Variants in BSG observed in about 807,000 individuals in gnomAD.
BSG encodes the protein basigin.
A neutral mutation model predicts 43.1 loss-of-function variants in BSG; 37 were observed. That is an observed-to-expected ratio of 0.86 (90% CI 0.66 to 1.13). BSG has a LOEUF of 1.13. Among genes scored for constraint, BSG ranks in the 50% most tolerant of loss-of-function variants. The pLI is 0.00. For missense variants in BSG, 599 were observed against 554.2 expected, an observed-to-expected ratio of 1.08 and a Z score of -0.81; for synonymous variants, 309 against 238.7, an observed-to-expected ratio of 1.29 and a Z score of -2.72.
At chr19:580,949 G>A (rs556900373) in intron 5 of BSG, among the ~76,000 whole-genome samples, 167 bp downstream of exon 5, 5 of 135,650 alleles carry the variant, frequency 3.7e-5, no homozygotes, top group South Asian at 2.6e-4. Flanking sequence ...TGGGGGTCCC[G>A]GACCCAGCCC....
At chr19:577,709 C>T in intron 1 of BSG, 65 bp from the exon 2 acceptor site, 2 of 1,292,872 alleles carry the variant, frequency 1.5e-6, no homozygotes, top group Non-Finnish European at 2.0e-6. Flanking sequence ...GCGAGGCCTT[C>T]CCCAGGAGCT....
chr19:573,593 A>C (rs1380930331), intron 1 of BSG, among the ~76,000 whole-genome samples: 2 of 152,076 alleles, frequency 1.3e-5, no homozygotes, highest in Non-Finnish European at 2.9e-5. Flanking sequence ...GGGAAGGCGG[A>C]ATCTCCCTCT....
At chr19:580,539 C>T in intron 4 of BSG, 78 bp downstream of exon 4, 1 of 1,604,430 alleles carries the variant, frequency 6.2e-7, no homozygotes, top group Non-Finnish European at 8.5e-7. Context: ...CGGCACATCC[C>T]AGAGCCCTGG....
chr19:581,830 C>G (rs1411513910), intron 6 of BSG, among the ~76,000 whole-genome samples: 2 of 152,270 alleles, frequency 1.3e-5, no homozygotes. Context: ...CACAGCCTCA[C>G]CCGGCCCTTC....
Position 582,757 on chromosome 19 carries a change from G to A in BSG, c.*13G>A, listed in dbSNP as rs910720448. The A allele has an allele frequency of 2.7e-5, 18 of 674,782 alleles. No individual in the cohort carries two copies. Among genetic ancestry groups the A allele is most frequent in the Middle Eastern group, 2.9e-4 (1 of 3,456 alleles). The allele number at this position is 674,782 out of a possible 1,614,324, so 41.8% of individuals were successfully genotyped here. A position where few individuals can be genotyped will look rare whatever the true frequency, so the allele number is the denominator to read the frequency against. ...GCCCCTCCCTGTCCACAGGTGGCCCGAGGACGCTCCCTGCTCCACGTCTGC... is the reference window on the plus strand; with the variant it reads ...GCCCCTCCCTGTCCACAGGTGGCCCAAGGACGCTCCCTGCTCCACGTCTGC... On this transcript the variant is annotated 3_prime_UTR_variant, in exon 9 of 9. Transcript: ENST00000333511.
chr19:579,825 G>C (rs979310173), intron 3 of BSG, 169 bp downstream of exon 3: 1 of 1,077,680 alleles, frequency 9.3e-7, no homozygotes, highest in Admixed American at 3.1e-5. Flanking sequence ...GGAGGGGTCT[G>C]AGGGGCGTCC....
chr19:572,508 C>T (rs565922179), upstream of BSG: 353 of 1,210,290 alleles, frequency 2.9e-4, 3 homozygotes, highest in African/African-American at 1.9e-3. Flanking sequence ...GTCCCCGGCG[C>T]TCGCCCCGCC....
intron 1 of BSG, among the ~76,000 whole-genome samples, chr19:574,794 G>A (rs990717519): frequency 2.6e-5 from 4 of 152,158 alleles, no homozygotes; most frequent in Non-Finnish European, 1.5e-5. Flanking sequence ...GCCCTTTATC[G>A]AATGTCTCCT....
chr19:579,987 ACTGAGGCATGCC>A (rs1400980308), intron 3 of BSG: 8 of 428,490 alleles, frequency 1.9e-5, no homozygotes, highest in African/African-American at 1.6e-4. Context: ...AGGGCACCAC[ACTGAGGCATGCC>A]CTGCTCGGAC....
chr19:581,914 C>G (rs989832361), intron 6 of BSG, among the ~76,000 whole-genome samples: 1 of 152,264 alleles, frequency 6.6e-6, no homozygotes, highest in Non-Finnish European at 1.5e-5. Flanking sequence ...TGATCAGGCT[C>G]GGGAACCTGA....
rs28921975 is a variant in BSG, at chr19:575,886, G to A, written c.68-1888G>A. ...CGGGCGAGATGGGGTGGTCCGTGGG[G>A]TGGGGGCGCTCTGCATTGTCCCCGA... On this transcript the variant is annotated intron_variant, in intron 1 of 8. Coordinates refer to ENST00000333511, the MANE Select transcript of BSG (RefSeq NM_001728.4). Among the ~76,000 whole-genome samples the A allele has an allele frequency of 2.6e-3, 395 of 152,206 alleles. 1 individual carries two copies. Among genetic ancestry groups the A allele is most frequent in the African/African-American group, 9.1e-3 (378 of 41,520 alleles).
At position 581,544 on chromosome 19, in the gene BSG, T is replaced by A; in HGVS notation, c.1022T>A (p.Ile341Asn). 6.3e-7 allele frequency: 1 copy of A among 1,599,070 alleles called. No individual in the cohort carries two copies. The highest frequency in any genetic ancestry group is 8.5e-7 in the Non-Finnish European group (1 of 1,173,968). ...IVAEVLVLVTIIFIYEKRRKP... is the reference protein window; with the variant it reads ...IVAEVLVLVTNIFIYEKRRKP... ...GCTGAGGTGCTGGTGCTGGTCACCA[T>A]CATCTTCATCTACGAGAAGCGCCGG... Residue 341 changes from isoleucine (I) to asparagine (N), a missense_variant, in exon 6 of 9, where the codon ATC becomes AAC. Physicochemically the swap from Ile to Asn is moderately radical, Grantham distance 149. Coordinates refer to ENST00000333511, the MANE Select transcript of BSG (RefSeq NM_001728.4).
At chr19:573,490 C>T (rs1981477499) in intron 1 of BSG, among the ~76,000 whole-genome samples, 1 of 152,168 alleles carries the variant, frequency 6.6e-6, no homozygotes, top group Non-Finnish European at 1.5e-5. Flanking sequence ...CGGGATTTAG[C>T]CCTGGCGTCT....
At chr19:571,660 C>A (rs557852913), upstream of BSG, 1 of 767,720 alleles carries the variant, frequency 1.3e-6, no homozygotes, top group East Asian at 2.5e-5. Context: ...CAAAGAGAAA[C>A]CAGCACTTAG....
rs565778867 is a variant in BSG at position 576,933 on chromosome 19, G to A, written c.68-841G>A. On this transcript the variant is annotated intron_variant, in intron 1 of 8. Transcript: ENST00000333511. ...TGTGCACGCATATGCACGTGTGTAT[G>A]TGTTGTGTGTGTTTGCAGACGTGTG... is the stretch of plus-strand genomic sequence containing the variant. 1.6e-4 allele frequency among the ~76,000 whole-genome samples: 24 copies of A among 149,108 alleles called. No homozygotes were observed. In the South Asian group the frequency reaches 5.0e-3, roughly 31 times the overall value.
intron 1 of BSG, among the ~76,000 whole-genome samples, chr19:574,124 G>A (rs918822944): frequency 6.6e-5 from 10 of 151,984 alleles, no homozygotes; most frequent in Admixed American, 1.3e-4. Flanking sequence ...GCGTGTTGGC[G>A]CACGCCTGTA....
At chr19:571,661 C>T (rs940644205), upstream of BSG, 1 of 766,914 alleles carries the variant, frequency 1.3e-6, no homozygotes. Flanking sequence ...AAAGAGAAAC[C>T]AGCACTTAGA....
rs1982115836 is a variant in BSG, at chr19:579,693, T to C, written c.572+37T>C. Reference sequence around the variant, plus strand: ...ACCACGCCATGCCGCCACCTGCCCCTTCTCACGGCTCTCTTGCCGCCAGCG... The same window carrying C: ...ACCACGCCATGCCGCCACCTGCCCCCTCTCACGGCTCTCTTGCCGCCAGCG... On this transcript the variant is annotated intron_variant, in intron 3 of 8. Coordinates refer to ENST00000333511, the MANE Select transcript of BSG (RefSeq NM_001728.4). 6.4e-6 allele frequency: 10 copies of C among 1,573,724 alleles called. No homozygotes were observed. In the East Asian group the frequency reaches 6.7e-5, roughly 11 times the overall value.
chr19:580,559 C>T, intron 4 of BSG, 87 bp from the exon 5 acceptor site: 1 of 1,604,502 alleles, frequency 6.2e-7, no homozygotes, highest in Non-Finnish European at 8.5e-7. Context: ...GCCCCCTGCT[C>T]CCTGGAGGGG....
Sources: gnomAD v4.1 joint callset for allele counts (sites outside exome capture counted in the v4.1 genomes callset) on GRCh38, gnomAD v4.1.1 for gene constraint, MANE v1.5 for transcripts, NCBI Gene and HGNC (gene_info 2026-07-23, HGNC 2026-07-21) for gene names.